The following PSAP variants were observed in gnomAD, a reference collection of about 807,000 sequenced individuals.
PSAP encodes the protein prosaposin.
A neutral mutation model predicts 66.0 loss-of-function variants in PSAP; 25 were observed. That is an observed-to-expected ratio of 0.38 (90% CI 0.28 to 0.53). The LOEUF (loss-of-function observed/expected upper bound fraction) is 0.53. Ranked by LOEUF, PSAP falls within the 20% of genes least tolerant of loss-of-function variation. The probability of loss-of-function intolerance (pLI) is 0.83; values close to 1 mark genes in which losing one functional copy is unlikely to be tolerated. For missense variants in PSAP, 649 were observed against 668.8 expected (o/e 0.97, Z 0.33); for synonymous variants, 273 against 258.9 (o/e 1.05, Z -0.52).
In PSAP at chr10:71,831,831, C is replaced by T. The variant is rs749419007; in HGVS notation, c.249+15G>A. ...GCCCGTGGCTCAAGCACCATCCCCA[C>T]TCACCGCCGCTCACCTCAGTGGCAT... On this transcript the variant is annotated intron_variant, in intron 3 of 13. Coordinates refer to ENST00000394936, the MANE Select transcript of PSAP (RefSeq NM_002778.4). 4 of 1,613,468 alleles carry T rather than the reference C, an allele frequency of 2.5e-6. No homozygotes were observed. The Admixed American group carries it at 5.0e-5, about 20-fold the overall frequency.
At chr10:71,837,449 T>C (rs1454662249) in intron 1 of PSAP, among the ~76,000 whole-genome samples, 1 of 152,212 alleles carries the variant, frequency 6.6e-6, no homozygotes, top group East Asian at 1.9e-4. Flanking sequence ...GAAACTTTAT[T>C]ACACACACAT....
In PSAP at chr10:71,821,919, G is replaced by A; in HGVS notation, c.866C>T (p.Ser289Phe). ...TTCCAGGGCAGGGATGACATTCTTG[G>A]AGGCCACTTTGGCGGGGACCAGAGT... ...MQTLVPAKVA[S>F]KNVIPALELV... Residue 289 changes from serine (S) to phenylalanine (F), a missense_variant, in exon 8 of 14, where the codon TCC becomes TTC. By Grantham distance (155) the Ser-to-Phe change is radical (BLOSUM62 -2). Transcript: ENST00000394936. 2 of 1,614,212 alleles carry A rather than the reference G, an allele frequency of 1.2e-6. No homozygotes were observed. The highest frequency in any genetic ancestry group is 1.7e-6 in the Non-Finnish European group (2 of 1,180,034).
At chr10:71,832,518 A>G (rs1274052798) in intron 2 of PSAP, among the ~76,000 whole-genome samples, 5 of 152,226 alleles carry the variant, frequency 3.3e-5, no homozygotes, top group Non-Finnish European at 7.3e-5. Flanking sequence ...TCCATGGAGA[A>G]GAAACATGTC....
Position 71,818,623 on chromosome 10 carries a change from C to T in PSAP, c.1533G>A (p.Gln511=). Residue 511 remains glutamine (Q), a synonymous_variant, in exon 13 of 14, where the codon CAG becomes CAA. Coordinates refer to ENST00000394936, the MANE Select transcript of PSAP (RefSeq NM_002778.4). Reference sequence around the variant, plus strand: ...TGTCTGCTGAGCTACTCACATTGCACTGGGCTGCTGTCTCTGTGTTCTGGC... The same window carrying T: ...TGTCTGCTGAGCTACTCACATTGCATTGGGCTGCTGTCTCTGTGTTCTGGC... ...YWCQNTETAA[Q]CNAVEHCKRH... 1 of 1,613,572 alleles carries T rather than the reference C, an allele frequency of 6.2e-7. No homozygotes were observed. The highest frequency in any genetic ancestry group is 8.5e-7 in the Non-Finnish European group (1 of 1,179,930).
At chr10:71,838,561 A>G (rs1842671481) in intron 1 of PSAP, among the ~76,000 whole-genome samples, 1 of 152,242 alleles carries the variant, frequency 6.6e-6, no homozygotes, top group Admixed American at 6.5e-5. Context: ...CTCCAGGTAA[A>G]GAATGCATTT....
chr10:71,828,959 G>C lies in PSAP; in HGVS notation c.494C>G (p.Thr165Ser). 1 of 1,614,148 alleles carries C rather than the reference G, an allele frequency of 6.2e-7. No individual in the cohort carries two copies. Among genetic ancestry groups the C allele is most frequent in the Non-Finnish European group, 8.5e-7 (1 of 1,180,012 alleles). Residue 165 changes from threonine to serine, a missense_variant, in exon 5 of 14, where the codon ACT becomes AGT. Coordinates refer to ENST00000394936, the MANE Select transcript of PSAP (RefSeq NM_002778.4). ...GGCCATGAAGGGGGCCACCACCTCA[G>C]TCATGTCCAGCTCTGGGATCTTATT... is the stretch of plus-strand genomic sequence containing the variant. Reference protein sequence around the residue: ...ESNKIPELDMTEVVAPFMANI... With the variant: ...ESNKIPELDMSEVVAPFMANI...
chr10:71,834,654 G>C lies in PSAP; in HGVS notation c.41-149C>G, dbSNP rs1842587693. 7.0e-6 allele frequency: 7 copies of C among 1,005,788 alleles called. No individual in the cohort carries two copies. The South Asian group carries it at 9.9e-5, about 14-fold the overall frequency. 62.3% of individuals were successfully genotyped at this position (1,005,788 alleles called of 1,614,324 possible). A position where few individuals can be genotyped will look rare whatever the true frequency, so the allele number is the denominator to read the frequency against. ...AGCTGTATGGGACACCAGCCACACA[G>C]ATACACGCCTGTCCCGGTCAAGAAG... On this transcript the variant is annotated intron_variant, in intron 1 of 13. Transcript: ENST00000394936.
chr10:71,846,099 TACTA>T lies in PSAP; in HGVS notation c.40+5079_40+5082del, dbSNP rs143254854. Among the ~76,000 whole-genome samples the T allele has an allele frequency of 9.6e-3, 1,463 of 152,242 alleles. 14 individuals are homozygous for T. Among genetic ancestry groups the T allele is most frequent in the African/African-American group, 0.024 (998 of 41,542 alleles). ...TTATTAGTGGTACAGCAACAAAGAA[TACTA>T]ACTAAGCCCTTTTCTGTATTAACCT... On this transcript the variant is annotated intron_variant, in intron 1 of 13. Coordinates refer to ENST00000394936, the MANE Select transcript of PSAP (RefSeq NM_002778.4).
chr10:71,818,856 G>C (rs760132508), intron 12 of PSAP, 132 bp from the exon 13 acceptor site: 15 of 1,033,334 alleles, frequency 1.5e-5, no homozygotes, highest in Middle Eastern at 4.2e-4. Flanking sequence ...AGAACATCAG[G>C]GTTGCTGAGG....
At chr10:71,818,502 G>C in intron 13 of PSAP, 115 bp downstream of exon 13, 1 of 968,632 alleles carries the variant, frequency 1.0e-6, no homozygotes, top group South Asian at 1.3e-5. Flanking sequence ...TCAGCTTTCT[G>C]ATAACATAAA....
intron 1 of PSAP, among the ~76,000 whole-genome samples, chr10:71,837,142 T>C (rs1243237489): frequency 6.6e-6 from 1 of 152,156 alleles, no homozygotes; most frequent in Non-Finnish European, 1.5e-5. Context: ...ACACGTAAAT[T>C]CCAACTCCTA....
intron 2 of PSAP, among the ~76,000 whole-genome samples, chr10:71,832,366 A>G (rs1842537466): frequency 1.3e-5 from 2 of 152,148 alleles, no homozygotes; most frequent in South Asian, 4.1e-4. Context: ...GCATGTTAAC[A>G]AGGCAAGACC....
chr10:71,837,268 C>T (rs553005550), intron 1 of PSAP, among the ~76,000 whole-genome samples: 2 of 152,128 alleles, frequency 1.3e-5, no homozygotes, highest in Non-Finnish European at 1.5e-5. Flanking sequence ...CCAGGATGAA[C>T]GACATGATGA....
rs1220122223 is a variant in PSAP at position 71,833,032 on chromosome 10, C to CAAAAAA, written c.175-1118_175-1113dup. ...AGTCCATCTCAAAAAAAAAAAAAAA[C>CAAAAAA]AAAAAACAAAAACAGAAGGCCGGGC... is the stretch of plus-strand genomic sequence containing the variant. On this transcript the variant is annotated intron_variant, in intron 2 of 13. Coordinates refer to ENST00000394936, the MANE Select transcript of PSAP (RefSeq NM_002778.4). 2.1e-5 allele frequency among the ~76,000 whole-genome samples: 2 copies of CAAAAAA among 95,362 alleles called. 1 individual carries two copies. The highest frequency in any genetic ancestry group is 4.1e-5 in the Non-Finnish European group (2 of 49,122). 62.6% of individuals were successfully genotyped at this position (95,362 alleles called of 152,430 possible). A position where few individuals can be genotyped will look rare whatever the true frequency, so the allele number is the denominator to read the frequency against.
chr10:71,829,422 CA>C (rs1220982507), intron 4 of PSAP, among the ~76,000 whole-genome samples: 1 of 152,058 alleles, frequency 6.6e-6, no homozygotes, highest in Non-Finnish European at 1.5e-5. Flanking sequence ...CGGGTTTTCC[CA>C]TGCTGTTTAG....
At position 71,832,040 on chromosome 10, in the gene PSAP, C is replaced by T. The variant is rs183753777; in HGVS notation, c.175-120G>A. The T allele has an allele frequency of 3.0e-3, 2,979 of 990,314 alleles. 19 individuals are homozygous for T. The highest frequency in any genetic ancestry group is 3.6e-3 in the Non-Finnish European group (2,268 of 630,872). 61.3% of individuals were successfully genotyped at this position (990,314 alleles called of 1,614,324 possible). ...AACCAGGGATATGATCATGACCGCGCTCCTGTCACATCCTGGTTCTCCACC... is the reference window on the plus strand; with the variant it reads ...AACCAGGGATATGATCATGACCGCGTTCCTGTCACATCCTGGTTCTCCACC... On this transcript the variant is annotated intron_variant, in intron 2 of 13. Transcript: ENST00000394936.
intron 8 of PSAP, among the ~76,000 whole-genome samples, chr10:71,821,325 C>T (rs1842297029): frequency 6.6e-6 from 1 of 152,262 alleles, no homozygotes; most frequent in South Asian, 2.1e-4. Context: ...ATGACATCAT[C>T]TGTTCACCAC....
At chr10:71,830,489 G>A (rs1364047981) in intron 4 of PSAP, among the ~76,000 whole-genome samples, 3 of 152,186 alleles carry the variant, frequency 2.0e-5, no homozygotes, top group African/African-American at 7.2e-5. Context: ...GACACTCCAA[G>A]GCTGCACTTG....
At chr10:71,845,000 T>A (rs577724468) in intron 1 of PSAP, among the ~76,000 whole-genome samples, 4 of 152,348 alleles carry the variant, frequency 2.6e-5, no homozygotes, top group African/African-American at 9.6e-5. Context: ...ATTTTTATTA[T>A]ATATTGTTTT....
Sources: allele counts gnomAD v4.1 joint callset (sites outside exome capture counted in the v4.1 genomes callset), GRCh38; gene constraint gnomAD v4.1.1; transcripts MANE v1.5; gene names NCBI Gene and HGNC (gene_info 2026-07-23, HGNC 2026-07-21).